The following SEMA3E variants were observed in gnomAD, a reference collection of about 807,000 sequenced individuals.
SEMA3E encodes semaphorin-3E.
SEMA3E carries 49 observed loss-of-function variants against 93.6 expected under a neutral mutation model. The ratio of observed to expected loss-of-function variants is 0.52; its 90% confidence interval spans 0.42 to 0.66. The LOEUF is 0.66. Ranked by LOEUF, SEMA3E falls within the 30% of genes least tolerant of loss-of-function variation. The pLI is 0.00. For missense variants in SEMA3E, 906 were observed against 964.8 expected, an observed-to-expected ratio of 0.94 and a Z score of 0.81; for synonymous variants, 363 against 330.7, an observed-to-expected ratio of 1.10 and a Z score of -1.06.
intron 1 of SEMA3E, among the ~76,000 whole-genome samples, chr7:83,543,470 A>T (rs1791580756): frequency 6.6e-6 from 1 of 152,128 alleles, no homozygotes; most frequent in South Asian, 2.1e-4. Context: ...ATAAACTCAA[A>T]GTTGTGTTTT....
At chr7:83,457,389 ATC>A (rs1353953176) in intron 4 of SEMA3E, among the ~76,000 whole-genome samples, 1 of 152,240 alleles carries the variant, frequency 6.6e-6, no homozygotes, top group African/African-American at 2.4e-5. Flanking sequence ...AATACTGGAC[ATC>A]TGTTAGATTC....
At chr7:83,625,586 C>A (rs1226922590) in intron 1 of SEMA3E, among the ~76,000 whole-genome samples, 2 of 152,100 alleles carry the variant, frequency 1.3e-5, no homozygotes, top group Non-Finnish European at 2.9e-5. Flanking sequence ...CGTTGCTTAT[C>A]AGCTTAAGGA....
chr7:83,463,911 C>T (rs1394637119), intron 4 of SEMA3E, among the ~76,000 whole-genome samples: 2 of 152,152 alleles, frequency 1.3e-5, no homozygotes, highest in South Asian at 2.1e-4. Context: ...TGCCCTGAGT[C>T]AGATAACTAA....
At chr7:83,582,334 T>A (rs55961445) in intron 1 of SEMA3E, among the ~76,000 whole-genome samples, 41,429 of 151,656 alleles carry the variant, frequency 0.27, 6,192 homozygotes, top group East Asian at 0.4. Context: ...TTTTTATTTT[T>A]AAAATAACAT....
chr7:83,562,572 T>C (rs1562833767), intron 1 of SEMA3E, among the ~76,000 whole-genome samples: 1 of 151,886 alleles, frequency 6.6e-6, no homozygotes. Context: ...TATCCTCCCC[T>C]AGCTATTCCC....
chr7:83,404,997 T>C (rs966505645), intron 9 of SEMA3E, among the ~76,000 whole-genome samples: 3 of 152,048 alleles, frequency 2.0e-5, no homozygotes, highest in Non-Finnish European at 4.4e-5. Flanking sequence ...AGACCATTAG[T>C]GAACTCACAG....
In SEMA3E at chr7:83,420,307, A is replaced by G. The variant is rs535269191; in HGVS notation, c.457-1824T>C. 2.6e-5 allele frequency among the ~76,000 whole-genome samples: 4 copies of G among 152,276 alleles called. No individual in the cohort carries two copies. The East Asian group carries it at 7.7e-4, about 29-fold the overall frequency. On this transcript the variant is annotated intron_variant, in intron 4 of 16. Coordinates refer to ENST00000643230, the MANE Select transcript of SEMA3E (RefSeq NM_012431.3). ...ACTGCTGCAGAAAATCATATAGATGATACAAACAAATGGAAACACATTCCA... is the reference window on the plus strand; with the variant it reads ...ACTGCTGCAGAAAATCATATAGATGGTACAAACAAATGGAAACACATTCCA...
intron 1 of SEMA3E, among the ~76,000 whole-genome samples, chr7:83,520,976 T>A (rs1454173365): frequency 6.6e-6 from 1 of 152,196 alleles, no homozygotes; most frequent in African/African-American, 2.4e-5. Context: ...GACTGAGATG[T>A]CAGCCACATG....
chr7:83,596,189 G>T (rs1792868741), intron 1 of SEMA3E, among the ~76,000 whole-genome samples: 3 of 151,952 alleles, frequency 2.0e-5, no homozygotes. Flanking sequence ...TGCCCAAATT[G>T]TTCCAGCTTC....
chr7:83,414,684 T>C (rs1322853358), intron 5 of SEMA3E, among the ~76,000 whole-genome samples: 1 of 152,126 alleles, frequency 6.6e-6, no homozygotes, highest in African/African-American at 2.4e-5. Flanking sequence ...AAAATAAAAT[T>C]TAGTGTGCAT....
chr7:83,603,576 GA>G (rs1225435991), intron 1 of SEMA3E, among the ~76,000 whole-genome samples: 6 of 152,056 alleles, frequency 3.9e-5, no homozygotes, highest in African/African-American at 1.4e-4. Context: ...ATTTTATTAA[GA>G]AGATGAGAAA....
chr7:83,383,247 G>T (rs1488925585), intron 16 of SEMA3E, among the ~76,000 whole-genome samples: 1 of 149,010 alleles, frequency 6.7e-6, no homozygotes, highest in Non-Finnish European at 1.5e-5. Flanking sequence ...TCAAAATAAA[G>T]ATTTGATAAG....
intron 12 of SEMA3E, among the ~76,000 whole-genome samples, chr7:83,396,088 T>TC: frequency 3.3e-5 from 1 of 30,208 alleles, no homozygotes; most frequent in East Asian, 0.025. Flanking sequence ...CATATGTGCA[T>TC]TTATATATAT....
rs540449115 is a variant in SEMA3E, at chr7:83,416,448, G to C, written c.550+1942C>G. Among the ~76,000 whole-genome samples, 63 of 152,096 alleles carry C rather than the reference G, an allele frequency of 4.1e-4. 1 individual carries two copies. The highest frequency in any genetic ancestry group is 1.5e-3 in the African/African-American group (61 of 41,512). ...GGCTTCATGCAGAAACAAACTCCTAGGGAGGCTGAGTAGTGAGTGGCAAGG... is the reference window on the plus strand; with the variant it reads ...GGCTTCATGCAGAAACAAACTCCTACGGAGGCTGAGTAGTGAGTGGCAAGG... On this transcript the variant is annotated intron_variant, in intron 5 of 16. Transcript: ENST00000643230.
chr7:83,588,923 G>T (rs1021418261), intron 1 of SEMA3E, among the ~76,000 whole-genome samples: 5 of 152,020 alleles, frequency 3.3e-5, no homozygotes, highest in African/African-American at 1.2e-4. Context: ...CCCAAGAAAG[G>T]CTGAAAAGCT....
chr7:83,394,270 CTA>C (rs1788074909), intron 13 of SEMA3E, 25 bp downstream of exon 13: 1 of 1,228,296 alleles, frequency 8.1e-7, no homozygotes, highest in Non-Finnish European at 1.0e-6. Flanking sequence ...ACACACACAC[CTA>C]CACACACACA....
chr7:83,390,904 A>G (rs1271581097), intron 14 of SEMA3E, among the ~76,000 whole-genome samples: 2 of 152,226 alleles, frequency 1.3e-5, no homozygotes, highest in African/African-American at 2.4e-5. Flanking sequence ...GATGCACCAT[A>G]TAGAAAAATT....
At chr7:83,375,489 T>C (rs1375889001) in intron 16 of SEMA3E, among the ~76,000 whole-genome samples, 1 of 152,082 alleles carries the variant, frequency 6.6e-6, no homozygotes, top group Non-Finnish European at 1.5e-5. Flanking sequence ...GTTAAAACAA[T>C]GTAGTCCAGA....
chr7:83,466,723 G>A, intron 3 of SEMA3E, 122 bp from the exon 4 acceptor site: 2 of 1,155,366 alleles, frequency 1.7e-6, no homozygotes, highest in South Asian at 2.6e-5. Flanking sequence ...GTTGGGTGAA[G>A]GAGGCAAGAG....
Sources: gnomAD v4.1 joint callset for allele counts (sites outside exome capture counted in the v4.1 genomes callset) on GRCh38, gnomAD v4.1.1 for gene constraint, MANE v1.5 for transcripts, NCBI Gene and HGNC (gene_info 2026-07-23, HGNC 2026-07-21) for gene names.